NRG1: variants seen among roughly 807,000 people sequenced by gnomAD.
NRG1 encodes pro-neuregulin-1, membrane-bound isoform.
NRG1 carries 18 observed loss-of-function variants against 63.8 expected under a neutral mutation model. The observed-to-expected ratio is 0.28, with a 90% CI of 0.19 to 0.42. The LOEUF (loss-of-function observed/expected upper bound fraction) is 0.42, where lower values mean the gene tolerates loss of function less well. Ranked by LOEUF, NRG1 falls within the 10% of genes least tolerant of loss-of-function variation. The pLI, the probability that NRG1 is intolerant of heterozygous loss-of-function variation, is 1.00. For synonymous variants in NRG1, 302 were observed against 301.3 expected, an observed-to-expected ratio of 1.00 and a Z score of -0.02; for missense variants, 762 against 814.7, an observed-to-expected ratio of 0.94 and a Z score of 0.79.
intron 1 of NRG1, among the ~76,000 whole-genome samples, chr8:32,397,508 C>T (rs1195066414): frequency 1.4e-5 from 2 of 139,054 alleles, no homozygotes; most frequent in Admixed American, 1.5e-4. Flanking sequence ...TATATGGAGG[C>T]AATCTGACTT....
At chr8:32,628,418 C>T (rs1849677210) in intron 5 of NRG1, among the ~76,000 whole-genome samples, 1 of 152,038 alleles carries the variant, frequency 6.6e-6, no homozygotes, top group African/African-American at 2.4e-5. Flanking sequence ...AGAGTTTCTC[C>T]AAGTTATCTG....
chr8:31,723,519 G>A (rs1264912681), intron 1 of NRG1, among the ~76,000 whole-genome samples: 1 of 151,996 alleles, frequency 6.6e-6, no homozygotes. Flanking sequence ...CTATTCACAG[G>A]CATGATCATT....
At chr8:32,420,543 T>C (rs530849673) in intron 1 of NRG1, among the ~76,000 whole-genome samples, 27 of 139,476 alleles carry the variant, frequency 1.9e-4, no homozygotes, top group South Asian at 1.5e-3. Flanking sequence ...CTCTCTCTCT[T>C]TTTTTTTTTT....
intron 5 of NRG1, among the ~76,000 whole-genome samples, chr8:32,711,283 A>C (rs66783138): frequency 0.093 from 14,032 of 151,396 alleles, 722 homozygotes; most frequent in Middle Eastern, 0.17. Context: ...CTTGTTAAGG[A>C]CTAAAGGTGT....
chr8:31,748,421 G>A (rs1475985146), intron 1 of NRG1, among the ~76,000 whole-genome samples: 12 of 151,890 alleles, frequency 7.9e-5, no homozygotes, highest in Non-Finnish European at 4.4e-5. Context: ...TTGGGCCAAT[G>A]TTTGAACCAA....
chr8:32,065,353 C>T (rs985207530), intron 1 of NRG1, among the ~76,000 whole-genome samples: 2 of 152,148 alleles, frequency 1.3e-5, no homozygotes, highest in African/African-American at 4.8e-5. Flanking sequence ...TCCCTTCCCC[C>T]TCCCACCACC....
rs189281475 is a variant in NRG1, at chr8:32,237,399, T to A, written c.38-358429T>A. ...ACATAATGAAAACCAGAGAATTGCT[T>A]TTTTTTTCTGGGTCCATTTTATTAC... On this transcript the variant is annotated intron_variant, in intron 1 of 10. Transcript: ENST00000519301. 1.4e-3 allele frequency among the ~76,000 whole-genome samples: 219 copies of A among 152,168 alleles called. 1 individual carries two copies. Among genetic ancestry groups the A allele is most frequent in the African/African-American group, 4.9e-3 (205 of 41,530 alleles).
At chr8:31,654,482 T>C (rs990921548) in intron 1 of NRG1, among the ~76,000 whole-genome samples, 4 of 152,268 alleles carry the variant, frequency 2.6e-5, no homozygotes, top group Non-Finnish European at 4.4e-5. Context: ...AGAATCATGA[T>C]ACGTGTAATG....
At chr8:31,825,942 C>T (rs1824507590) in intron 1 of NRG1, among the ~76,000 whole-genome samples, 1 of 152,174 alleles carries the variant, frequency 6.6e-6, no homozygotes, top group African/African-American at 2.4e-5. Context: ...CTTTGAAGAG[C>T]TTGTGCTTCC....
At chr8:32,548,116 A>C, upstream of NRG1, 1 of 700,410 alleles carries the variant, frequency 1.4e-6, no homozygotes, top group Non-Finnish European at 1.8e-6. Flanking sequence ...CGCGGGAGGA[A>C]AAGGGGCTGC....
At chr8:31,883,210 C>A (rs569224473) in intron 1 of NRG1, among the ~76,000 whole-genome samples, 1 of 152,218 alleles carries the variant, frequency 6.6e-6, no homozygotes, top group Admixed American at 6.5e-5. Context: ...GAAGACCCTC[C>A]ACCAGCAAAA....
intron 1 of NRG1, among the ~76,000 whole-genome samples, chr8:32,235,584 T>C (rs1301251622): frequency 6.6e-6 from 1 of 152,058 alleles, no homozygotes; most frequent in Non-Finnish European, 1.5e-5. Flanking sequence ...CCAGAAGGGG[T>C]CATTTTAATG....
At chr8:32,286,617 A>G (rs1257309625) in intron 1 of NRG1, among the ~76,000 whole-genome samples, 1 of 152,184 alleles carries the variant, frequency 6.6e-6, no homozygotes, top group Non-Finnish European at 1.5e-5. Flanking sequence ...ATCTGGCTGT[A>G]AAAAAGAACC....
intron 1 of NRG1, among the ~76,000 whole-genome samples, chr8:32,370,158 T>A (rs1808617754): frequency 6.6e-6 from 1 of 152,230 alleles, no homozygotes; most frequent in African/African-American, 2.4e-5. Context: ...TTGTTCATGT[T>A]AGTATGATTT....
At chr8:31,972,810 A>T (rs1807524834) in intron 1 of NRG1, among the ~76,000 whole-genome samples, 1 of 152,232 alleles carries the variant, frequency 6.6e-6, no homozygotes, top group Non-Finnish European at 1.5e-5. Flanking sequence ...CAGGCCCTGC[A>T]AGTTCATGCT....
chr8:32,557,291 G>A (rs911408014), intron 1 of NRG1, among the ~76,000 whole-genome samples: 7 of 152,192 alleles, frequency 4.6e-5, no homozygotes, highest in African/African-American at 1.4e-4. Flanking sequence ...ACAGGCATGA[G>A]CCACTGCGCC....
Position 32,455,130 on chromosome 8 carries a change from C to T in NRG1, c.38-140698C>T, listed in dbSNP as rs539485819. Among the ~76,000 whole-genome samples, 5 of 152,090 alleles carry T rather than the reference C, an allele frequency of 3.3e-5. No homozygotes were observed. The South Asian group carries it at 6.3e-4, about 19-fold the overall frequency. ...TACTGACACATTTCTCAGAAGGTACCCCCATCGTTAAGCAACCATTACTGT... is the reference window on the plus strand; with the variant it reads ...TACTGACACATTTCTCAGAAGGTACTCCCATCGTTAAGCAACCATTACTGT... On this transcript the variant is annotated intron_variant, in intron 1 of 10. Transcript: ENST00000519301.
intron 5 of NRG1, among the ~76,000 whole-genome samples, chr8:32,638,986 T>G (rs4543501): frequency 0.29 from 44,401 of 151,940 alleles, 7,561 homozygotes; most frequent in Non-Finnish European, 0.37. Flanking sequence ...TTCTTTTTTT[T>G]TTGTTCCCTT....
Position 31,640,033 on chromosome 8 carries a change from G to A in NRG1, c.37+602G>A. On this transcript the variant is annotated intron_variant, in intron 1 of 10. Transcript: ENST00000519301. The surrounding 1 kb of genome is among the most constrained non-coding windows in gnomAD (Gnocchi z 6.3). Reference sequence around the variant, plus strand: ...CCGCTCCGGGCGTCCCGGCCCCCGGGCCCAGCGCCCCGGCTCCGCCGCCCG... The same window carrying A: ...CCGCTCCGGGCGTCCCGGCCCCCGGACCCAGCGCCCCGGCTCCGCCGCCCG... The A allele has an allele frequency of 3.5e-6, 4 of 1,143,190 alleles. No homozygotes were observed. Among genetic ancestry groups the A allele is most frequent in the Non-Finnish European group, 4.3e-6 (4 of 933,176 alleles). The allele number at this position is 1,143,190 out of a possible 1,614,324, so 70.8% of individuals were successfully genotyped here.
Sources: gnomAD v4.1 joint callset for allele counts (sites outside exome capture counted in the v4.1 genomes callset) on GRCh38, gnomAD v4.1.1 for gene constraint, Gnocchi (gnomAD v3.1) non-coding constraint, MANE v1.5 for transcripts, NCBI Gene and HGNC (gene_info 2026-07-23, HGNC 2026-07-21) for gene names.